PHLPP1: variants seen among roughly 807,000 people sequenced by gnomAD.
PHLPP1 encodes the protein PH domain and leucine rich repeat protein phosphatase 1, also known as PH domain leucine-rich repeat-containing protein phosphatase 1.
Under a neutral mutation model 117.2 loss-of-function variants are expected in PHLPP1, and 42 were observed. The observed-to-expected ratio is 0.36, with a 90% confidence interval of 0.28 to 0.46. PHLPP1 has a LOEUF of 0.46. PHLPP1 is among the 20% of genes least tolerant of loss of function. The pLI, the probability that PHLPP1 is intolerant of heterozygous loss-of-function variation, is 1.00. For missense variants in PHLPP1, 2,084 were observed against 2,241.9 expected (o/e 0.93, Z 1.42); for synonymous variants, 1,042 against 970.7 (o/e 1.07, Z -1.37).
intron 3 of PHLPP1, among the ~76,000 whole-genome samples, chr18:62,856,823 C>T (rs774381526): frequency 3.3e-5 from 5 of 152,206 alleles, no homozygotes; most frequent in South Asian, 2.1e-4. Flanking sequence ...CCAACTTCTC[C>T]GGTTTTTCCT....
chr18:62,917,064 T>C (rs1339980367), intron 9 of PHLPP1, among the ~76,000 whole-genome samples: 2 of 151,146 alleles, frequency 1.3e-5, no homozygotes, highest in Non-Finnish European at 3.0e-5. Flanking sequence ...TTTTCTATTT[T>C]CTCTGTTCTC....
At chr18:62,926,111 A>G (rs1909621006) in intron 10 of PHLPP1, among the ~76,000 whole-genome samples, 2 of 152,234 alleles carry the variant, frequency 1.3e-5, no homozygotes, top group South Asian at 2.1e-4. Flanking sequence ...AACCAGGGTT[A>G]TTACATCAAA....
intron 1 of PHLPP1, among the ~76,000 whole-genome samples, chr18:62,791,461 A>ATG (rs1229970471): frequency 6.6e-6 from 1 of 152,118 alleles, no homozygotes; most frequent in Admixed American, 6.5e-5. Context: ...GTTTCCTCCT[A>ATG]TGTTTCTCTT....
chr18:62,738,304 T>C (rs907544131), intron 1 of PHLPP1, among the ~76,000 whole-genome samples: 3 of 151,964 alleles, frequency 2.0e-5, no homozygotes, highest in Admixed American at 6.6e-5. Context: ...TGCAGTGAGT[T>C]GTGATGGTGC....
intron 12 of PHLPP1, among the ~76,000 whole-genome samples, chr18:62,955,811 T>C (rs114089694): frequency 0.019 from 2,874 of 152,300 alleles, 94 homozygotes; most frequent in African/African-American, 0.065. Flanking sequence ...CCCCTGAATT[T>C]TGTTGTCAAC....
intron 4 of PHLPP1, among the ~76,000 whole-genome samples, chr18:62,887,767 T>C (rs972550220): frequency 1.3e-5 from 2 of 152,160 alleles, no homozygotes; most frequent in African/African-American, 4.8e-5. Flanking sequence ...AGGTAGAGTC[T>C]CACTGTATTG....
Position 62,966,862 on chromosome 18 carries a change from C to T in PHLPP1, c.3560+3390C>T, listed in dbSNP as rs557717338. Reference sequence around the variant, plus strand: ...TCACCTACCAAAATTTACCCATGCCCATTTTTGTCAGTTCTTCTCCCCAAC... The same window carrying T: ...TCACCTACCAAAATTTACCCATGCCTATTTTTGTCAGTTCTTCTCCCCAAC... On this transcript the variant is annotated intron_variant, in intron 14 of 16. Transcript: ENST00000262719. 1.6e-4 allele frequency among the ~76,000 whole-genome samples: 24 copies of T among 152,304 alleles called. No homozygotes were observed. The South Asian group carries it at 3.9e-3, about 25-fold the overall frequency.
At chr18:62,958,880 A>G (rs1186344224) in intron 13 of PHLPP1, 121 bp downstream of exon 13, 2 of 1,073,834 alleles carry the variant, frequency 1.9e-6, no homozygotes, top group Admixed American at 4.7e-5. Context: ...GTTAACACAC[A>G]CAACAGGATA....
intron 3 of PHLPP1, among the ~76,000 whole-genome samples, chr18:62,849,230 C>T (rs1175561384): frequency 6.6e-6 from 1 of 152,180 alleles, no homozygotes; most frequent in African/African-American, 2.4e-5. Flanking sequence ...CTACTGTTGT[C>T]TGATTCTTTG....
At chr18:62,839,779 T>A (rs1337179878) in intron 3 of PHLPP1, 1 of 146,752 alleles carries the variant, frequency 6.8e-6, no homozygotes, top group Non-Finnish European at 1.5e-5. Flanking sequence ...TAATATATAT[T>A]TTATAATATA....
intron 15 of PHLPP1, 77 bp downstream of exon 15, chr18:62,972,785 G>GGTGCCCA: frequency 9.4e-7 from 1 of 1,065,610 alleles, no homozygotes; most frequent in East Asian, 2.5e-5. Flanking sequence ...TAGAAAAGCA[G>GGTGCCCA]GTGCCCAATG....
chr18:62,840,583 G>C (rs150193627), intron 3 of PHLPP1, among the ~76,000 whole-genome samples: 15 of 152,278 alleles, frequency 9.9e-5, no homozygotes, highest in African/African-American at 3.6e-4. Flanking sequence ...TTTATGGGTT[G>C]AAAGCAGTGA....
rs1910136905 is a variant in PHLPP1 at position 62,941,790 on chromosome 18, C to T, written c.3033C>T (p.Asn1011=). ...CAGCCACGCTTTCCGAAGAGACAAA[C>T]AGTATCTTACAAGAGTTGTATTTGA... ...LPPATLSEET[N]SILQELYLTN... Residue 1011 remains asparagine, a synonymous_variant, in exon 11 of 17, where the codon AAC becomes AAT. Coordinates refer to ENST00000262719, the MANE Select transcript of PHLPP1 (RefSeq NM_194449.4). 1.2e-6 allele frequency: 2 copies of T among 1,613,626 alleles called. No homozygotes were observed. The highest frequency in any genetic ancestry group is 1.7e-6 in the Non-Finnish European group (2 of 1,179,554).
At chr18:62,824,961 C>G (rs1914569986) in intron 1 of PHLPP1, among the ~76,000 whole-genome samples, 1 of 146,510 alleles carries the variant, frequency 6.8e-6, no homozygotes, top group East Asian at 2.2e-4. Context: ...GACTCTTGCT[C>G]TGTCACCTAG....
chr18:62,822,170 T>A (rs185026154), intron 1 of PHLPP1, among the ~76,000 whole-genome samples: 10 of 151,792 alleles, frequency 6.6e-5, no homozygotes, highest in Admixed American at 5.9e-4. Flanking sequence ...GGAACTCCAA[T>A]ATCCCTTTCT....
At chr18:62,966,913 GT>G (rs894411511) in intron 14 of PHLPP1, among the ~76,000 whole-genome samples, 3 of 152,090 alleles carry the variant, frequency 2.0e-5, no homozygotes, top group Non-Finnish European at 4.4e-5. Flanking sequence ...CTCCTGATCT[GT>G]TTTTTAATCT....
intron 1 of PHLPP1, among the ~76,000 whole-genome samples, chr18:62,736,070 G>A (rs924760473): frequency 2.0e-5 from 3 of 152,142 alleles, no homozygotes; most frequent in African/African-American, 7.2e-5. Context: ...GCACCGAAAG[G>A]GGGCAGAGAG....
chr18:62,914,659 C>T (rs980720721), intron 8 of PHLPP1, among the ~76,000 whole-genome samples: 7 of 152,226 alleles, frequency 4.6e-5, no homozygotes, highest in African/African-American at 1.7e-4. Flanking sequence ...TGATCTCGAA[C>T]TCTTGGGCAC....
chr18:62,917,971 G>A (rs1053401860), intron 9 of PHLPP1, among the ~76,000 whole-genome samples: 6 of 152,136 alleles, frequency 3.9e-5, no homozygotes, highest in African/African-American at 1.2e-4. Flanking sequence ...TGGGGAGGCC[G>A]AGGCAGGCGG....
Sources: allele counts gnomAD v4.1 joint callset (sites outside exome capture counted in the v4.1 genomes callset), GRCh38; gene constraint gnomAD v4.1.1; transcripts MANE v1.5; gene names NCBI Gene and HGNC (gene_info 2026-07-23, HGNC 2026-07-21).